The following SCIN variants were observed in gnomAD, a reference collection of about 807,000 sequenced individuals.
SCIN encodes the protein scinderin, also known as adseverin.
In SCIN, 91 loss-of-function variants were observed where a neutral mutation model predicts 91.8. The observed-to-expected ratio is 0.99, with a 90% confidence interval of 0.84 to 1.18. SCIN has a LOEUF of 1.18. SCIN is among the 50% of genes most tolerant of loss of function. SCIN has a pLI of 0.00. For synonymous variants in SCIN, 367 were observed against 312.6 expected, an observed-to-expected ratio of 1.17 and a Z score of -1.84; for missense variants, 1,087 against 863.9, an observed-to-expected ratio of 1.26 and a Z score of -3.24.
At chr7:12,610,116 C>T (rs1231509898) in intron 4 of SCIN, among the ~76,000 whole-genome samples, 1 of 152,106 alleles carries the variant, frequency 6.6e-6, no homozygotes, top group Non-Finnish European at 1.5e-5. Context: ...GATGAAAATC[C>T]TATTTTAGAC....
chr7:12,638,451 C>T (rs1350644309), intron 10 of SCIN, among the ~76,000 whole-genome samples: 2 of 152,168 alleles, frequency 1.3e-5, no homozygotes, highest in Non-Finnish European at 2.9e-5. Flanking sequence ...GCTTACTTGG[C>T]CAATGCAGTG....
intron 1 of SCIN, among the ~76,000 whole-genome samples, chr7:12,574,452 T>C (rs1193888194): frequency 2.0e-5 from 3 of 152,152 alleles, no homozygotes; most frequent in African/African-American, 7.2e-5. Flanking sequence ...GGTGGAACTA[T>C]ACAGCATCTT....
intron 1 of SCIN, among the ~76,000 whole-genome samples, chr7:12,574,697 T>C (rs528194483): frequency 6.6e-6 from 1 of 152,288 alleles, no homozygotes; most frequent in Admixed American, 6.5e-5. Flanking sequence ...TCTATTGATC[T>C]GTGTCTATCC....
At position 12,578,202 on chromosome 7, in the gene SCIN, G is replaced by T; in HGVS notation, c.338G>T (p.Gly113Val). 1 of 1,546,258 alleles carries T rather than the reference G, an allele frequency of 6.5e-7. No homozygotes were observed. The highest frequency in any genetic ancestry group is 1.2e-5 in the South Asian group (1 of 82,886). ...ESNDFVSYFK[G>V]GLKYKAGGVA... ...AATGACTTTGTTAGCTATTTCAAAG[G>T]CGGTCTGAAATACAAGGTAAGCAGC... is the stretch of plus-strand genomic sequence containing the variant. The change falls in exon 2 of 16, where the codon GGC becomes GTC. Residue 113 changes from glycine (G) to valine (V), a missense_variant. By Grantham distance (109) the Gly-to-Val change is moderately radical. Coordinates refer to ENST00000297029, the MANE Select transcript of SCIN (RefSeq NM_001112706.3).
In SCIN at chr7:12,600,114, A is replaced by G. The variant is rs1055138877; in HGVS notation, c.517-4400A>G. Reference sequence around the variant, plus strand: ...GCCAATGTCTAGAAAGGTTTTTCCAATGTTATCTTCTAGAATCTTTATGGT... The same window carrying G: ...GCCAATGTCTAGAAAGGTTTTTCCAGTGTTATCTTCTAGAATCTTTATGGT... On this transcript the variant is annotated intron_variant, in intron 3 of 15. Coordinates refer to ENST00000297029, the MANE Select transcript of SCIN (RefSeq NM_001112706.3). Among the ~76,000 whole-genome samples, 10 of 152,180 alleles carry G rather than the reference A, an allele frequency of 6.6e-5. 1 individual carries two copies. Among genetic ancestry groups the G allele is most frequent in the African/African-American group, 2.2e-4 (9 of 41,444 alleles).
At chr7:12,645,499 T>C (rs1783947472) in intron 13 of SCIN, among the ~76,000 whole-genome samples, 2 of 152,114 alleles carry the variant, frequency 1.3e-5, no homozygotes, top group South Asian at 4.1e-4. Context: ...TTTTTTAAAC[T>C]TTTATTTTAA....
chr7:12,610,910 A>G (rs1371700908), intron 4 of SCIN: 2 of 152,220 alleles, frequency 1.3e-5, no homozygotes, highest in South Asian at 2.1e-4. Context: ...TGTAGCTAGT[A>G]TCTAAAACTC....
chr7:12,630,853 A>G (rs1783627581), intron 9 of SCIN, among the ~76,000 whole-genome samples: 1 of 152,218 alleles, frequency 6.6e-6, no homozygotes, highest in African/African-American at 2.4e-5. Flanking sequence ...CCAGGTAGTT[A>G]TGTCCTTATT....
chr7:12,632,773 A>G (rs568637417), intron 9 of SCIN, among the ~76,000 whole-genome samples: 13 of 152,296 alleles, frequency 8.5e-5, no homozygotes, highest in South Asian at 4.1e-4. Context: ...GCAAAAGGAA[A>G]AAGAGAAAGA....
At chr7:12,608,477 A>T (rs1783126210) in intron 4 of SCIN, among the ~76,000 whole-genome samples, 1 of 151,946 alleles carries the variant, frequency 6.6e-6, no homozygotes. Flanking sequence ...TTGAGGTTTT[A>T]TTTATTTATT....
At chr7:12,614,387 T>C (rs769668114) in intron 4 of SCIN, among the ~76,000 whole-genome samples, 2 of 152,200 alleles carry the variant, frequency 1.3e-5, no homozygotes, top group African/African-American at 2.4e-5. Flanking sequence ...GTGCTAACCA[T>C]AGAAGAGGCA....
chr7:12,616,252 G>A lies in SCIN; in HGVS notation c.667-6549G>A, dbSNP rs541184034. The stretch of plus-strand genomic sequence containing the variant: ...GAGGAGAATGATCTTTATGGACCCA[G>A]CAGTTTTGGGAAATGGGACCTAATA... On this transcript the variant is annotated intron_variant, in intron 4 of 15. Transcript: ENST00000297029. 7.2e-5 allele frequency among the ~76,000 whole-genome samples: 11 copies of A among 152,208 alleles called. No individual in the cohort carries two copies. In the South Asian group the frequency reaches 1.7e-3, roughly 23 times the overall value.
chr7:12,596,495 G>T (rs1583288001), intron 3 of SCIN: 1 of 455,626 alleles, frequency 2.2e-6, no homozygotes, highest in African/African-American at 2.0e-5. Context: ...GAGAGGCAAT[G>T]TGATCATTGC....
Position 12,629,198 on chromosome 7 carries a change from C to G in SCIN, c.1295C>G (p.Pro432Arg). The G allele has an allele frequency of 6.2e-7, 1 of 1,611,788 alleles. No homozygotes were observed. The highest frequency in any genetic ancestry group is 8.5e-7 in the Non-Finnish European group (1 of 1,179,128). Residue 432 changes from proline (P) to arginine (R), a missense_variant, in exon 9 of 16, where the codon CCC (proline) becomes CGC (arginine). Pro to Arg is a moderately radical substitution (Grantham distance 103). Coordinates refer to ENST00000297029, the MANE Select transcript of SCIN (RefSeq NM_001112706.3). Reference sequence around the variant, plus strand: ...TGCTACATCATACTCTACACCTATCCCAGAGGACAGATTATCTACACGTGG... The same window carrying G: ...TGCTACATCATACTCTACACCTATCGCAGAGGACAGATTATCTACACGTGG... ...GDCYIILYTY[P>R]RGQIIYTWQG...
At chr7:12,584,270 A>G (rs1782543801) in intron 3 of SCIN, among the ~76,000 whole-genome samples, 1 of 152,188 alleles carries the variant, frequency 6.6e-6, no homozygotes, top group Non-Finnish European at 1.5e-5. Context: ...TGCATCAGAG[A>G]GCCTAAAAGG....
Position 12,575,460 on chromosome 7 carries a change from T to C in SCIN, c.200-2604T>C, listed in dbSNP as rs561119647. Among the ~76,000 whole-genome samples, 22 of 152,258 alleles carry C rather than the reference T, an allele frequency of 1.4e-4. No individual in the cohort carries two copies. The South Asian group carries it at 4.6e-3, about 32-fold the overall frequency. Reference sequence around the variant, plus strand: ...ATGGGAAAAACATTTAGTCTTTTACTGTTCAGCATTGCTAGCTCTGTGTTT... The same window carrying C: ...ATGGGAAAAACATTTAGTCTTTTACCGTTCAGCATTGCTAGCTCTGTGTTT... On this transcript the variant is annotated intron_variant, in intron 1 of 15. Coordinates refer to ENST00000297029, the MANE Select transcript of SCIN (RefSeq NM_001112706.3).
At position 12,604,680 on chromosome 7, in the gene SCIN, TG is replaced by T; in HGVS notation, c.666+18del. The T allele has an allele frequency of 6.5e-6, 10 of 1,549,724 alleles. No individual in the cohort carries two copies. The highest frequency in any genetic ancestry group is 1.4e-5 in the African/African-American group (1 of 72,838). On this transcript the variant is annotated intron_variant, in intron 4 of 15. Coordinates refer to ENST00000297029, the MANE Select transcript of SCIN (RefSeq NM_001112706.3). ...CTTATAAAGGTATTGTGACTCCTGT[TG>T]TTTGTTAAAGGGTTACCACTCCAAC... is the stretch of plus-strand genomic sequence containing the variant.
chr7:12,622,750 T>G (rs1783434481), intron 4 of SCIN, 51 bp from the exon 5 acceptor site: 5 of 1,231,164 alleles, frequency 4.1e-6, no homozygotes, highest in Non-Finnish European at 4.8e-6. Flanking sequence ...TAACTCTGCA[T>G]CCTTCAATGG....
At chr7:12,637,947 C>T (rs1001364378) in intron 10 of SCIN, among the ~76,000 whole-genome samples, 3 of 152,106 alleles carry the variant, frequency 2.0e-5, no homozygotes, top group African/African-American at 4.8e-5. Context: ...CAATATCAGA[C>T]GATATCAATG....
Sources: allele counts gnomAD v4.1 joint callset (sites outside exome capture counted in the v4.1 genomes callset), GRCh38; gene constraint gnomAD v4.1.1; transcripts MANE v1.5; gene names NCBI Gene and HGNC (gene_info 2026-07-23, HGNC 2026-07-21).